Variants in CDH18 observed in about 807,000 individuals in gnomAD.
CDH18 encodes the protein cadherin 18.
CDH18 carries 31 observed loss-of-function variants against 67.9 expected under a neutral mutation model. The observed-to-expected ratio is 0.46, with a 90% CI of 0.34 to 0.62. CDH18 has a LOEUF of 0.62. CDH18 is among the 20% of genes least tolerant of loss of function. The probability of loss-of-function intolerance (pLI) is 0.01; values close to 1 mark genes in which losing one functional copy is unlikely to be tolerated. For synonymous variants in CDH18, 362 were observed against 347.2 expected (o/e 1.04, Z -0.48); for missense variants, 890 against 975.5 (o/e 0.91, Z 1.17).
intron 1 of CDH18, among the ~76,000 whole-genome samples, chr5:19,983,537 A>C (rs1475282244): frequency 6.6e-6 from 1 of 152,216 alleles, no homozygotes; most frequent in Non-Finnish European, 1.5e-5. Flanking sequence ...TATTTCACTC[A>C]ATATTTTTAG....
At chr5:19,743,204 A>G (rs1769461267) in intron 4 of CDH18, among the ~76,000 whole-genome samples, 1 of 152,216 alleles carries the variant, frequency 6.6e-6, no homozygotes, top group East Asian at 1.9e-4. Context: ...GGGAAGAAGC[A>G]TGATCCCATA....
chr5:19,982,128 T>C (rs1799113027), intron 1 of CDH18, among the ~76,000 whole-genome samples: 1 of 152,168 alleles, frequency 6.6e-6, no homozygotes, highest in South Asian at 2.1e-4. Context: ...GTTATCAAAA[T>C]AGGAACTTTA....
At chr5:20,071,894 G>T (rs1743508074) in intron 2 of CDH18, among the ~76,000 whole-genome samples, 1 of 152,020 alleles carries the variant, frequency 6.6e-6, no homozygotes, top group Admixed American at 6.5e-5. Flanking sequence ...TTAGAGTTTA[G>T]ATGAATTTTC....
chr5:20,018,579 T>TA (rs925353044), intron 2 of CDH18, among the ~76,000 whole-genome samples: 2 of 151,436 alleles, frequency 1.3e-5, no homozygotes, highest in Admixed American at 6.6e-5. Flanking sequence ...AAGAAAATGA[T>TA]AAAAAATATG....
intron 2 of CDH18, among the ~76,000 whole-genome samples, chr5:20,002,277 A>G (rs1736510231): frequency 6.6e-6 from 1 of 152,310 alleles, no homozygotes; most frequent in East Asian, 1.9e-4. Context: ...TATTGCACAT[A>G]TGGTAGATAC....
At chr5:19,830,524 G>A (rs1182475131) in intron 3 of CDH18, among the ~76,000 whole-genome samples, 1 of 151,874 alleles carries the variant, frequency 6.6e-6, no homozygotes, top group Admixed American at 6.6e-5. Context: ...TATTACTAAA[G>A]TCAAGAAATA....
At chr5:20,300,015 G>A (rs960413323) in intron 1 of CDH18, among the ~76,000 whole-genome samples, 3 of 151,948 alleles carry the variant, frequency 2.0e-5, no homozygotes, top group Admixed American at 1.3e-4. Flanking sequence ...AATAACTGTC[G>A]AGGATTGCAG....
chr5:19,817,333 T>A (rs1779398757), intron 3 of CDH18, among the ~76,000 whole-genome samples: 1 of 151,968 alleles, frequency 6.6e-6, no homozygotes, highest in Admixed American at 6.6e-5. Flanking sequence ...AAAATTAAAC[T>A]TACTTATCTT....
chr5:20,253,961 C>A (rs1191837186), intron 2 of CDH18, among the ~76,000 whole-genome samples: 2 of 152,044 alleles, frequency 1.3e-5, no homozygotes, highest in Non-Finnish European at 2.9e-5. Flanking sequence ...TCACCAAGTT[C>A]ATCACAAAAG....
At chr5:20,113,899 T>C (rs187267210) in intron 2 of CDH18, among the ~76,000 whole-genome samples, 2 of 152,310 alleles carry the variant, frequency 1.3e-5, no homozygotes, top group African/African-American at 2.4e-5. Flanking sequence ...AAGATAATTA[T>C]ATAAAGACCA....
At chr5:19,875,433 T>TAGAC (rs1786858724) in intron 2 of CDH18, among the ~76,000 whole-genome samples, 2 of 146,816 alleles carry the variant, frequency 1.4e-5, no homozygotes, top group Non-Finnish European at 2.9e-5. Context: ...GATAGATAGA[T>TAGAC]AGATAGATCG....
intron 1 of CDH18, among the ~76,000 whole-genome samples, chr5:20,281,674 T>C (rs544975726): frequency 9.8e-4 from 149 of 152,310 alleles, no homozygotes; most frequent in African/African-American, 3.5e-3. Flanking sequence ...TAGCTTAGGA[T>C]TGACTTGGCG....
intron 1 of CDH18, among the ~76,000 whole-genome samples, chr5:20,268,749 A>G (rs1745226355): frequency 6.6e-6 from 1 of 152,140 alleles, no homozygotes; most frequent in South Asian, 2.1e-4. Context: ...AAAAGACTTA[A>G]GCATAAGAAC....
At chr5:20,152,154 T>A (rs1051417205) in intron 2 of CDH18, among the ~76,000 whole-genome samples, 2 of 144,496 alleles carry the variant, frequency 1.4e-5, no homozygotes, top group Admixed American at 7.1e-5. Flanking sequence ...ATATATAATT[T>A]TATAATTATA....
At chr5:19,613,148 A>AAT (rs964929858) in intron 5 of CDH18, among the ~76,000 whole-genome samples, 2 of 152,026 alleles carry the variant, frequency 1.3e-5, no homozygotes, top group African/African-American at 4.8e-5. Flanking sequence ...CCAACTAAAA[A>AAT]AATAATAATA....
intron 1 of CDH18, among the ~76,000 whole-genome samples, chr5:20,447,791 C>T (rs552954387): frequency 1.3e-5 from 2 of 152,090 alleles, no homozygotes; most frequent in East Asian, 3.9e-4. Context: ...GTTTTCCTTC[C>T]GTTTACTACT....
At chr5:20,407,744 A>G (rs1746416469) in intron 1 of CDH18, among the ~76,000 whole-genome samples, 1 of 151,952 alleles carries the variant, frequency 6.6e-6, no homozygotes, top group Admixed American at 6.6e-5. Context: ...AAAAAACTTG[A>G]AGAAAACATA....
chr5:20,485,018 A>G (rs1753075798), intron 1 of CDH18, among the ~76,000 whole-genome samples: 1 of 152,126 alleles, frequency 6.6e-6, no homozygotes, highest in Admixed American at 6.5e-5. Flanking sequence ...CTTTTGAAAT[A>G]ATGATATGTT....
chr5:19,764,642 TATATATAC>T (rs1453909410), intron 3 of CDH18, among the ~76,000 whole-genome samples: 16 of 150,566 alleles, frequency 1.1e-4, no homozygotes, highest in Non-Finnish European at 4.4e-5. Context: ...TATATATATA[TATATATAC>T]ACACACACAT....
Sources: allele counts gnomAD v4.1 joint callset (sites outside exome capture counted in the v4.1 genomes callset), GRCh38; gene constraint gnomAD v4.1.1; transcripts MANE v1.5; gene names NCBI Gene and HGNC (gene_info 2026-07-23, HGNC 2026-07-21).